The following TMEM38B variants were observed in gnomAD, a reference collection of about 807,000 sequenced individuals.
TMEM38B encodes the protein transmembrane protein 38B.
In TMEM38B, 24 loss-of-function variants were observed where a neutral mutation model predicts 28.7. The observed-to-expected ratio is 0.84, with a 90% CI of 0.61 to 1.18. The LOEUF is 1.18. TMEM38B is among the 50% of genes most tolerant of loss of function. TMEM38B has a pLI of 0.00. For synonymous variants in TMEM38B, 131 were observed against 127.7 expected (o/e 1.03, Z -0.17); for missense variants, 380 against 350.9 (o/e 1.08, Z -0.66).
chr9:105,759,796 C>A, intron 5 of TMEM38B: 2 of 1,608,578 alleles, frequency 1.2e-6, no homozygotes, highest in Non-Finnish European at 1.7e-6. Context: ...TGCTCAAGAC[C>A]AAGAGGAGTT....
At chr9:105,696,134 A>C (rs929520762) in intron 1 of TMEM38B, among the ~76,000 whole-genome samples, 2 of 152,124 alleles carry the variant, frequency 1.3e-5, no homozygotes, top group African/African-American at 4.8e-5. Context: ...AGGCTACCTG[A>C]GTTGTGATAC....
chr9:105,742,001 C>A (rs965368205), intron 4 of TMEM38B, among the ~76,000 whole-genome samples: 2 of 152,178 alleles, frequency 1.3e-5, no homozygotes, highest in African/African-American at 4.8e-5. Context: ...CTGTGGAAGA[C>A]TCTCTTTGCC....
intron 5 of TMEM38B, among the ~76,000 whole-genome samples, chr9:105,765,653 T>G (rs2133647434): frequency 6.6e-6 from 1 of 152,296 alleles, no homozygotes; most frequent in Admixed American, 6.5e-5. Context: ...CTGAGTAGTA[T>G]TAGGTACCAC....
intron 4 of TMEM38B, among the ~76,000 whole-genome samples, chr9:105,730,361 T>C (rs1008646699): frequency 6.6e-6 from 1 of 151,460 alleles, no homozygotes; most frequent in African/African-American, 2.4e-5. Flanking sequence ...TTGGTCCTGT[T>C]TGGATTACGT....
rs985094482 is a variant in TMEM38B, at chr9:105,705,762, C to G, written c.269+9C>G. On this transcript the variant is annotated intron_variant, in intron 2 of 5. Transcript: ENST00000374692. ...CTGGCATCTTCAATCTGGTAAGCTG[C>G]CAGTATGGTGACCTATGTGACATTT... 7 of 1,609,818 alleles carry G rather than the reference C, an allele frequency of 4.3e-6. No individual in the cohort carries two copies. Among genetic ancestry groups the G allele is most frequent in the Non-Finnish European group, 5.9e-6 (7 of 1,178,528 alleles).
intron 4 of TMEM38B, among the ~76,000 whole-genome samples, chr9:105,732,909 A>G (rs1291110170): frequency 6.6e-6 from 1 of 152,160 alleles, no homozygotes; most frequent in East Asian, 1.9e-4. Flanking sequence ...CAGTATGGCC[A>G]TTTTCACAAT....
chr9:105,723,838 CTTTAT>C (rs1836415876), intron 4 of TMEM38B, among the ~76,000 whole-genome samples: 1 of 143,124 alleles, frequency 7.0e-6, no homozygotes, highest in Non-Finnish European at 1.5e-5. Context: ...CGAACTCAGT[CTTTAT>C]TTTGTTTTGA....
chr9:105,701,962 C>A (rs1332929856), intron 1 of TMEM38B, among the ~76,000 whole-genome samples: 1 of 152,144 alleles, frequency 6.6e-6, no homozygotes, highest in Non-Finnish European at 1.5e-5. Context: ...CGCCTGTAAT[C>A]CCAGCACTTT....
chr9:105,726,067 G>C (rs547742301), intron 4 of TMEM38B, among the ~76,000 whole-genome samples: 67 of 152,140 alleles, frequency 4.4e-4, no homozygotes, highest in African/African-American at 1.6e-3. Context: ...CAGGCATGCA[G>C]TGTGTAGCGA....
Position 105,722,568 on chromosome 9 carries a change from G to A in TMEM38B, c.489G>A (p.Arg163=). 1 of 1,613,698 alleles carries A rather than the reference G, an allele frequency of 6.2e-7. No homozygotes were observed. The highest frequency in any genetic ancestry group is 8.5e-7 in the Non-Finnish European group (1 of 1,179,782). ...AGGTIITNFE[R]LVKGDWKPEG... is the part of the protein sequence containing the mutation. ...GTACCATTATAACGAATTTTGAGAG[G>A]TTGGTAAAAGGAGATTGGAAACCAG... The change falls in exon 4 of 6, where the codon AGG becomes AGA. Residue 163 remains arginine (R), a synonymous_variant. Transcript: ENST00000374692.
chr9:105,734,297 A>C (rs998292770), intron 4 of TMEM38B, among the ~76,000 whole-genome samples: 5 of 152,156 alleles, frequency 3.3e-5, no homozygotes, highest in African/African-American at 1.2e-4. Context: ...TATTGTGGTC[A>C]AAATGACACT....
At chr9:105,718,454 A>G (rs1038354385) in intron 2 of TMEM38B, among the ~76,000 whole-genome samples, 1 of 152,058 alleles carries the variant, frequency 6.6e-6, no homozygotes, top group African/African-American at 2.4e-5. Context: ...TTGTCAGGCT[A>G]ATCTTGAAGT....
intron 2 of TMEM38B, among the ~76,000 whole-genome samples, chr9:105,709,778 T>TC (rs1448029832): frequency 6.6e-6 from 1 of 152,214 alleles, no homozygotes; most frequent in Non-Finnish European, 1.5e-5. Context: ...AAGCCAATGA[T>TC]TAAGCAGAAA....
At chr9:105,727,713 G>A (rs2133585767) in intron 4 of TMEM38B, among the ~76,000 whole-genome samples, 1 of 152,252 alleles carries the variant, frequency 6.6e-6, no homozygotes, top group Admixed American at 6.5e-5. Flanking sequence ...TATGGTTTGG[G>A]TGTTTGTCCC....
chr9:105,746,078 A>C (rs534627192), intron 4 of TMEM38B, among the ~76,000 whole-genome samples: 10 of 152,092 alleles, frequency 6.6e-5, no homozygotes, highest in African/African-American at 1.7e-4. Context: ...TTTTTTGTTT[A>C]CATATGAACT....
At chr9:105,748,004 C>A in intron 4 of TMEM38B, 69 bp from the exon 5 acceptor site, 1 of 1,030,118 alleles carries the variant, frequency 9.7e-7, no homozygotes, top group Non-Finnish European at 1.5e-6. Context: ...TTTTGCAGTG[C>A]ACTCTTTGAG....
intron 4 of TMEM38B, among the ~76,000 whole-genome samples, chr9:105,731,351 A>G (rs983660790): frequency 6.6e-6 from 1 of 151,990 alleles, no homozygotes; most frequent in African/African-American, 2.4e-5. Flanking sequence ...ACATGCGCAC[A>G]AAGTGCAGGT....
At chr9:105,769,240 AC>A (rs1826468788) in intron 5 of TMEM38B, among the ~76,000 whole-genome samples, 1 of 152,374 alleles carries the variant, frequency 6.6e-6, no homozygotes, top group African/African-American at 2.4e-5. Context: ...TGGAACTCAT[AC>A]TTGAGAAACA....
At chr9:105,745,581 C>G (rs567228390) in intron 4 of TMEM38B, among the ~76,000 whole-genome samples, 2 of 152,046 alleles carry the variant, frequency 1.3e-5, no homozygotes, top group African/African-American at 4.8e-5. Flanking sequence ...TGCAGAAGCT[C>G]TTGAGTTTAA....
Sources: gnomAD v4.1 joint callset for allele counts (sites outside exome capture counted in the v4.1 genomes callset) on GRCh38, gnomAD v4.1.1 for gene constraint, MANE v1.5 for transcripts, NCBI Gene and HGNC (gene_info 2026-07-23, HGNC 2026-07-21) for gene names.